SCN8A: variants seen among roughly 807,000 people sequenced by gnomAD.
The protein encoded by SCN8A is sodium channel protein type 8 subunit alpha.
SCN8A carries 30 observed loss-of-function variants against 184.1 expected under a neutral mutation model. The ratio of observed to expected loss-of-function variants is 0.16; its 90% CI spans 0.12 to 0.22. The LOEUF (loss-of-function observed/expected upper bound fraction) is 0.22, where lower values mean the gene tolerates loss of function less well. Ranked by LOEUF, SCN8A falls within the 10% of genes least tolerant of loss-of-function variation. SCN8A has a pLI of 1.00. For synonymous variants in SCN8A, 852 were observed against 907.0 expected (o/e 0.94, Z 1.09); for missense variants, 1,057 against 2,498.9 (o/e 0.42, Z 12.30).
At chr12:51,592,122 A>C in intron 1 of SCN8A, among the ~76,000 whole-genome samples, 1 of 123,240 alleles carries the variant, frequency 8.1e-6, no homozygotes, top group Admixed American at 1.0e-4. Context: ...CCCCCACCTT[A>C]CCATCAGCAG....
At position 51,723,616 on chromosome 12, in the gene SCN8A, C is replaced by T. The variant is rs1592407688; in HGVS notation, c.1998+1708C>T. Among the ~76,000 whole-genome samples the T allele has an allele frequency of 2.0e-5, 3 of 152,330 alleles. No individual in the cohort carries two copies. The South Asian group carries it at 6.2e-4, about 32-fold the overall frequency. On this transcript the variant is annotated intron_variant, in intron 12 of 26. Coordinates refer to ENST00000627620, the MANE Select transcript of SCN8A (RefSeq NM_001330260.2). Reference sequence around the variant, plus strand: ...CTGGGCTGGGAGTGGTGGCTCACGCCTGTAATCCCAGCACCTTGGGAGGCC... The same window carrying T: ...CTGGGCTGGGAGTGGTGGCTCACGCTTGTAATCCCAGCACCTTGGGAGGCC...
chr12:51,756,790 G>A (rs528343418), intron 14 of SCN8A, among the ~76,000 whole-genome samples: 11 of 152,286 alleles, frequency 7.2e-5, no homozygotes, highest in Admixed American at 2.6e-4. Flanking sequence ...TCCCTCTACC[G>A]GCATGCCCAC....
At position 51,662,923 on chromosome 12, in the gene SCN8A, A is replaced by G; in HGVS notation, c.106A>G (p.Lys36Glu). 1 of 1,614,040 alleles carries G rather than the reference A, an allele frequency of 6.2e-7. No homozygotes were observed. Among genetic ancestry groups the G allele is most frequent in the Non-Finnish European group, 8.5e-7 (1 of 1,179,894 alleles). ...ERRIAESKLK[K>E]PPKADGSHRE... is the part of the protein sequence containing the mutation. ...GCGCATTGCTGAGAGCAAGCTCAAG[A>G]AACCACCAAAGGCCGATGGCAGTCA... Residue 36 changes from lysine to glutamate, a missense_variant, in exon 2 of 27, where the codon AAA (lysine) becomes GAA (glutamate). Around this residue, in one of 19 missense-constraint regions of SCN8A, gnomAD observed 45 missense variants for 71.3 expected, o/e 0.63. Coordinates refer to ENST00000627620, the MANE Select transcript of SCN8A (RefSeq NM_001330260.2).
intron 1 of SCN8A, among the ~76,000 whole-genome samples, chr12:51,631,057 T>G (rs897411549): frequency 1.3e-5 from 2 of 152,224 alleles, no homozygotes; most frequent in Non-Finnish European, 2.9e-5. Flanking sequence ...GCGTTTTGAT[T>G]CATCTGCCAT....
At chr12:51,794,013 G>A (rs565706805) in intron 25 of SCN8A, among the ~76,000 whole-genome samples, 3 of 152,078 alleles carry the variant, frequency 2.0e-5, no homozygotes, top group African/African-American at 4.8e-5. Context: ...GGACGTGGTG[G>A]TGTGTGCCTG....
At chr12:51,593,735 A>T (rs569014560) in intron 1 of SCN8A, among the ~76,000 whole-genome samples, 29 of 152,266 alleles carry the variant, frequency 1.9e-4, no homozygotes, top group Middle Eastern at 3.4e-3. Flanking sequence ...GTGTATGTAC[A>T]TGCGCAGCTG....
chr12:51,766,880 A>G (rs1178141906), intron 16 of SCN8A, among the ~76,000 whole-genome samples: 2 of 152,354 alleles, frequency 1.3e-5, no homozygotes, highest in East Asian at 1.9e-4. Flanking sequence ...AGAAAGGACT[A>G]TCTTACAGAT....
intron 12 of SCN8A, among the ~76,000 whole-genome samples, chr12:51,732,565 T>C (rs1448782075): frequency 6.6e-6 from 1 of 152,220 alleles, no homozygotes; most frequent in East Asian, 1.9e-4. Flanking sequence ...TCTTTTGTGA[T>C]TTTATATAAA....
intron 1 of SCN8A, among the ~76,000 whole-genome samples, chr12:51,608,257 G>A (rs1179471145): frequency 2.0e-5 from 3 of 151,898 alleles, no homozygotes; most frequent in Non-Finnish European, 4.4e-5. Flanking sequence ...TGATCCACCC[G>A]CCTCGGCCTC....
intron 11 of SCN8A, chr12:51,713,018 C>G: frequency 6.4e-7 from 1 of 1,567,066 alleles, no homozygotes; most frequent in South Asian, 1.1e-5. Flanking sequence ...TTTTTCACTT[C>G]ACAATTATGC....
At chr12:51,672,252 C>T (rs933691494) in intron 2 of SCN8A, among the ~76,000 whole-genome samples, 2 of 152,130 alleles carry the variant, frequency 1.3e-5, no homozygotes, top group Non-Finnish European at 2.9e-5. Flanking sequence ...TATCTACCCA[C>T]TCCTCCATCC....
intron 14 of SCN8A, among the ~76,000 whole-genome samples, chr12:51,752,756 T>C (rs1942615699): frequency 6.6e-6 from 1 of 152,218 alleles, no homozygotes; most frequent in Non-Finnish European, 1.5e-5. Context: ...AGTGGGCACA[T>C]GCTGTGACTG....
chr12:51,721,106 T>TATATATATATATATAA (rs1179556945), intron 11 of SCN8A, among the ~76,000 whole-genome samples: 11 of 106,108 alleles, frequency 1.0e-4, no homozygotes, highest in African/African-American at 3.1e-4. Flanking sequence ...TATATATATA[T>TATATATATATATATAA]AATATTTATT....
intron 1 of SCN8A, among the ~76,000 whole-genome samples, chr12:51,642,975 G>C (rs1005623051): frequency 6.6e-6 from 1 of 152,074 alleles, no homozygotes; most frequent in Admixed American, 6.5e-5. Flanking sequence ...CCTGTATCCA[G>C]ACCTCTTAGC....
chr12:51,758,415 T>C (rs1034842792), intron 14 of SCN8A, among the ~76,000 whole-genome samples: 3 of 152,168 alleles, frequency 2.0e-5, no homozygotes, highest in Non-Finnish European at 4.4e-5. Context: ...CAAGTCTCTT[T>C]AATGTCTGGT....
chr12:51,732,663 A>G (rs528996341), intron 12 of SCN8A, among the ~76,000 whole-genome samples: 1 of 152,270 alleles, frequency 6.6e-6, no homozygotes, highest in South Asian at 2.1e-4. Context: ...TTTGACTAAT[A>G]TGAACATTTT....
At chr12:51,732,926 T>C (rs1353227505) in intron 12 of SCN8A, among the ~76,000 whole-genome samples, 3 of 152,228 alleles carry the variant, frequency 2.0e-5, no homozygotes, top group African/African-American at 7.2e-5. Context: ...GCAACTTTAC[T>C]GAATTTATCA....
intron 1 of SCN8A, among the ~76,000 whole-genome samples, chr12:51,632,141 G>C (rs1940209457): frequency 6.6e-6 from 1 of 152,170 alleles, no homozygotes; most frequent in African/African-American, 2.4e-5. Context: ...ACTTACCATA[G>C]CCTCCACTGA....
intron 1 of SCN8A, among the ~76,000 whole-genome samples, chr12:51,619,827 A>G (rs1428703965): frequency 6.6e-6 from 1 of 152,202 alleles, no homozygotes; most frequent in African/African-American, 2.4e-5. Context: ...TTGATTGGAC[A>G]GTCAGTTCCC....
Sources: gnomAD v4.1 joint callset for allele counts (sites outside exome capture counted in the v4.1 genomes callset) on GRCh38, gnomAD v4.1.1 for gene constraint, gnomAD v4.1.1 regional missense constraint, MANE v1.5 for transcripts, NCBI Gene and HGNC (gene_info 2026-07-23, HGNC 2026-07-21) for gene names.